ACSM2B: variants seen among roughly 807,000 people sequenced by gnomAD.
ACSM2B encodes acyl-CoA synthetase medium chain family member 2B, also known as acyl-coenzyme A synthetase ACSM2B, mitochondrial.
A neutral mutation model predicts 78.6 loss-of-function variants in ACSM2B; 58 were observed. The observed-to-expected ratio is 0.74, with a 90% CI of 0.60 to 0.92. The LOEUF (loss-of-function observed/expected upper bound fraction) is 0.92, where lower values mean the gene tolerates loss of function less well. Among genes scored for constraint, ACSM2B ranks in the 40% least tolerant of loss-of-function variants. The probability of loss-of-function intolerance (pLI) is 0.00; values close to 1 mark genes in which losing one functional copy is unlikely to be tolerated. For missense variants in ACSM2B, 688 were observed against 711.2 expected (o/e 0.97, Z 0.37); for synonymous variants, 257 against 256.8 (o/e 1.00, Z -0.01).
In ACSM2B at chr16:20,546,409, G is replaced by A. The variant is rs530257317; in HGVS notation, c.1164C>T (p.Ser388=). 21 of 1,606,858 alleles carry A rather than the reference G, an allele frequency of 1.3e-5. No individual in the cohort carries two copies. In the African/African-American group the frequency reaches 2.5e-4, roughly 19 times the overall value. ...CCGAGCAAACCTGTACATCATAACA[G>A]GAAGCAGCCGTTCCCATGTATCCTG... The part of the protein sequence containing the change: ...IKPGYMGTAA[S]CYDVQVIDDK... Residue 388 remains serine (S), a synonymous_variant, in exon 9 of 14, where the codon TCC becomes TCT. Coordinates refer to ENST00000329697, the MANE Select transcript of ACSM2B (RefSeq NM_001105069.2).
rs373238431 is a variant in ACSM2B at position 20,548,307 on chromosome 16, G to A, written c.974+87C>T. On this transcript the variant is annotated intron_variant, in intron 7 of 13. Coordinates refer to ENST00000329697, the MANE Select transcript of ACSM2B (RefSeq NM_001105069.2). ...GCTTCATGGGGCTCTCTGTGTGCGA[G>A]AGATTCAGATAGATAGGCATGAATG... The A allele has an allele frequency of 2.8e-3, 4,421 of 1,606,678 alleles. 84 individuals are homozygous for A. The South Asian group carries it at 0.029, about 11-fold the overall frequency.
At chr16:20,540,936 G>T (rs2014971587) in intron 12 of ACSM2B, 163 bp from the exon 13 acceptor site, 6 of 1,125,638 alleles carry the variant, frequency 5.3e-6, no homozygotes, top group Non-Finnish European at 6.1e-6. Flanking sequence ...ACAAGAATGA[G>T]GTTCCAGCTC....
chr16:20,558,217 T>A (rs2015535981), intron 3 of ACSM2B, among the ~76,000 whole-genome samples: 1 of 152,082 alleles, frequency 6.6e-6, no homozygotes, highest in Non-Finnish European at 1.5e-5. Context: ...ACTACCCAGA[T>A]CAGTAACTGA....
chr16:20,556,277 C>T (rs2015471874), intron 3 of ACSM2B, among the ~76,000 whole-genome samples: 1 of 152,162 alleles, frequency 6.6e-6, no homozygotes, highest in Admixed American at 6.5e-5. Context: ...TTTAATGAGA[C>T]TCCTTTGATT....
rs776915411 is a variant in ACSM2B at position 20,548,491 on chromosome 16, G to A, written c.895-18C>T. On this transcript the variant is annotated intron_variant, in intron 6 of 13. Transcript: ENST00000329697. ...GAGAGTGTCTGGAAGACAAGAGCCAGGTGAGACATTGGTCACCAGGTCAAA... is the reference window on the plus strand; with the variant it reads ...GAGAGTGTCTGGAAGACAAGAGCCAAGTGAGACATTGGTCACCAGGTCAAA... 6.2e-7 allele frequency: 1 copy of A among 1,613,482 alleles called. No individual in the cohort carries two copies. Among genetic ancestry groups the A allele is most frequent in the Non-Finnish European group, 8.5e-7 (1 of 1,179,608 alleles).
intron 12 of ACSM2B, chr16:20,541,681 CT>C (rs1160376564): frequency 0.062 from 2,815 of 45,194 alleles, 31 homozygotes; most frequent in East Asian, 0.24. Context: ...CTTTTTCTTT[CT>C]TTTTTTTTTT....
At chr16:20,572,969 C>T (rs2016133108) in intron 1 of ACSM2B, among the ~76,000 whole-genome samples, 1 of 133,918 alleles carries the variant, frequency 7.5e-6, no homozygotes, top group South Asian at 2.8e-4. Context: ...CCCCTCATAA[C>T]TTGTATTTTT....
At chr16:20,546,820 A>G (rs553377630) in intron 8 of ACSM2B, 61 of 212,734 alleles carry the variant, frequency 2.9e-4, no homozygotes, top group South Asian at 5.3e-4. Flanking sequence ...AATCTGTAAG[A>G]CCTAAAATAT....
At chr16:20,566,422 T>C (rs1394789264) in intron 1 of ACSM2B, among the ~76,000 whole-genome samples, 1 of 131,046 alleles carries the variant, frequency 7.6e-6, no homozygotes, top group East Asian at 2.1e-4. Context: ...CATATATGGG[T>C]ATTATACATT....
chr16:20,565,531 G>T (rs767400610), intron 1 of ACSM2B, among the ~76,000 whole-genome samples: 3 of 152,138 alleles, frequency 2.0e-5, no homozygotes, highest in African/African-American at 7.2e-5. Flanking sequence ...TAGGGTGTTT[G>T]TTACTGTAGC....
intron 1 of ACSM2B, among the ~76,000 whole-genome samples, chr16:20,572,721 G>A (rs199768027): frequency 1.0e-3 from 146 of 140,088 alleles, no homozygotes; most frequent in East Asian, 4.3e-3. Context: ...TTATTCTTAG[G>A]TTTGATCATT....
intron 2 of ACSM2B, 98 bp from the exon 3 acceptor site, chr16:20,559,545 G>A: frequency 6.9e-7 from 1 of 1,455,648 alleles, no homozygotes; most frequent in East Asian, 2.4e-5. Flanking sequence ...GCTTAGTAAG[G>A]TTTTTTATCT....
chr16:20,567,978 A>T (rs1328648986), intron 1 of ACSM2B, among the ~76,000 whole-genome samples: 1 of 143,364 alleles, frequency 7.0e-6, no homozygotes, highest in Non-Finnish European at 1.5e-5. Context: ...TTATATATAA[A>T]ATATTCACGT....
chr16:20,566,908 T>C (rs1187715526), intron 1 of ACSM2B, among the ~76,000 whole-genome samples: 2 of 130,454 alleles, frequency 1.5e-5, no homozygotes, highest in Non-Finnish European at 3.2e-5. Flanking sequence ...TTATATATAA[T>C]AGTATAGTTA....
rs569465430 is a variant in ACSM2B at position 20,540,858 on chromosome 16, G to C, written c.1510-85C>G. The C allele has an allele frequency of 1.0e-4, 161 of 1,550,436 alleles. 1 individual carries two copies. The highest frequency in any genetic ancestry group is 4.5e-4 in the Admixed American group (26 of 57,408). On this transcript the variant is annotated intron_variant, in intron 12 of 13. Coordinates refer to ENST00000329697, the MANE Select transcript of ACSM2B (RefSeq NM_001105069.2). ...TAATGTGAAATTAGCATTAAGACTTGCATCACCCTTGTATCTACTCATTTG... is the reference window on the plus strand; with the variant it reads ...TAATGTGAAATTAGCATTAAGACTTCCATCACCCTTGTATCTACTCATTTG...
chr16:20,543,086 C>G, intron 11 of ACSM2B, 49 bp downstream of exon 11: 1 of 1,613,318 alleles, frequency 6.2e-7, no homozygotes, highest in Admixed American at 1.7e-5. Flanking sequence ...CTGGAACCAG[C>G]CAGAGTAAAG....
At chr16:20,559,956 T>C (rs965076394) in intron 2 of ACSM2B, among the ~76,000 whole-genome samples, 1 of 151,112 alleles carries the variant, frequency 6.6e-6, no homozygotes. Flanking sequence ...AATATCACTT[T>C]AGATTTATTT....
At chr16:20,553,984 C>G in intron 4 of ACSM2B, 64 bp from the exon 5 acceptor site, 2 of 1,605,648 alleles carry the variant, frequency 1.2e-6, no homozygotes, top group Non-Finnish European at 1.7e-6. Context: ...CAAAGTGACC[C>G]ATCTTTTCCC....
At chr16:20,572,805 C>T (rs2016127192) in intron 1 of ACSM2B, among the ~76,000 whole-genome samples, 2 of 151,898 alleles carry the variant, frequency 1.3e-5, no homozygotes, top group South Asian at 2.1e-4. Context: ...TTGGATTTGG[C>T]TAAGTCAAAA....
Sources: allele counts gnomAD v4.1 joint callset (sites outside exome capture counted in the v4.1 genomes callset), GRCh38; gene constraint gnomAD v4.1.1; transcripts MANE v1.5; gene names NCBI Gene and HGNC (gene_info 2026-07-23, HGNC 2026-07-21).